The following CLDN18 variants were observed in gnomAD, a reference collection of about 807,000 sequenced individuals.
CLDN18 encodes the protein claudin-18.
In CLDN18, 20 loss-of-function variants were observed where a neutral mutation model predicts 25.0. The observed-to-expected ratio is 0.80, with a 90% CI of 0.56 to 1.16. The LOEUF (loss-of-function observed/expected upper bound fraction) is 1.16. Among genes scored for constraint, CLDN18 ranks in the 50% most tolerant of loss-of-function variants. The pLI, the probability that CLDN18 is intolerant of heterozygous loss-of-function variation, is 0.00. For synonymous variants in CLDN18, 125 were observed against 135.6 expected (o/e 0.92, Z 0.54); for missense variants, 297 against 345.4 (o/e 0.86, Z 1.11).
intron 1 of CLDN18, 104 bp from the exon 2 acceptor site, chr3:138,023,554 G>C: frequency 1.8e-6 from 2 of 1,081,124 alleles, no homozygotes; most frequent in Non-Finnish European, 2.7e-6. Flanking sequence ...TCAGAGGTTT[G>C]GTGCAGGTTA....
At chr3:138,016,543 CA>C (rs34980759) in intron 1 of CLDN18, among the ~76,000 whole-genome samples, 53,137 of 151,994 alleles carry the variant, frequency 0.35, 11,218 homozygotes, top group Middle Eastern at 0.57. Flanking sequence ...AAAGATATGG[CA>C]AACTCATGTC....
rs550491227 is a variant in CLDN18 at position 138,032,236 on chromosome 3, A to C, written c.*1095A>C. Reference sequence around the variant, plus strand: ...GAAGTTCGAGACTAGCCTGGGCAACATGGAGAAGCCCTGTCTCTACAAAAT... The same window carrying C: ...GAAGTTCGAGACTAGCCTGGGCAACCTGGAGAAGCCCTGTCTCTACAAAAT... On this transcript the variant is annotated 3_prime_UTR_variant, in exon 5 of 5. Transcript: ENST00000183605. 7.9e-5 allele frequency: 12 copies of C among 152,228 alleles called. No individual in the cohort carries two copies. Among genetic ancestry groups the C allele is most frequent in the African/African-American group, 2.9e-4 (12 of 41,512 alleles). The allele number at this position is 152,228 out of a possible 1,614,324, so 9.4% of individuals were successfully genotyped here.
Position 138,024,625 on chromosome 3 carries a change from G to A in CLDN18, c.404G>A (p.Gly135Glu), listed in dbSNP as rs1232586228. Residue 135 changes from glycine (G) to glutamate (E), a missense_variant, in exon 3 of 5, where the codon GGA becomes GAA. Gly to Glu is a moderately conservative substitution (Grantham distance 98). Transcript: ENST00000183605. ...FIVSGLCAIA[G>E]VSVFANMLVT... is the part of the protein sequence containing the mutation. The stretch of plus-strand genomic sequence containing the variant: ...CCCACAGGTCTTTGTGCAATTGCTG[G>A]AGTGTCTGTGTTTGCCAACATGCTG... The A allele has an allele frequency of 1.2e-6, 2 of 1,611,518 alleles. No homozygotes were observed. Among genetic ancestry groups the A allele is most frequent in the South Asian group, 2.2e-5 (2 of 91,018 alleles).
intron 1 of CLDN18, among the ~76,000 whole-genome samples, chr3:138,014,736 A>G (rs1460310194): frequency 2.0e-5 from 3 of 152,248 alleles, no homozygotes; most frequent in Non-Finnish European, 2.9e-5. Context: ...CTTCAAGAAG[A>G]CTGTGGACTT....
chr3:138,019,158 G>A (rs1214007629), intron 1 of CLDN18, among the ~76,000 whole-genome samples: 1 of 152,198 alleles, frequency 6.6e-6, no homozygotes. Context: ...ATCTATGCAA[G>A]AGATATCTTT....
chr3:138,028,726 A>G (rs1205784161), intron 3 of CLDN18, among the ~76,000 whole-genome samples: 1 of 152,218 alleles, frequency 6.6e-6, no homozygotes, highest in Non-Finnish European at 1.5e-5. Flanking sequence ...ATTTGGGATC[A>G]CAATTATTTT....
intron 1 of CLDN18, among the ~76,000 whole-genome samples, chr3:138,000,042 G>A (rs1941999384): frequency 6.6e-6 from 1 of 152,150 alleles, no homozygotes; most frequent in South Asian, 2.1e-4. Context: ...TCTCCTCCAG[G>A]AATTTGCCAT....
chr3:138,030,008 A>T, intron 4 of CLDN18, 101 bp downstream of exon 4: 1 of 726,570 alleles, frequency 1.4e-6, no homozygotes, highest in South Asian at 1.6e-5. Flanking sequence ...AGGTATATGG[A>T]TGAACTTTAT....
intron 3 of CLDN18, among the ~76,000 whole-genome samples, chr3:138,028,469 C>A (rs1942352608): frequency 6.6e-6 from 1 of 152,196 alleles, no homozygotes; most frequent in Non-Finnish European, 1.5e-5. Flanking sequence ...ACGTTCTTAG[C>A]TTGTGTCGTA....
At chr3:138,018,546 C>T (rs114650375) in intron 1 of CLDN18, among the ~76,000 whole-genome samples, 3 of 152,004 alleles carry the variant, frequency 2.0e-5, no homozygotes, top group East Asian at 3.9e-4. Context: ...CCGTTTTAGC[C>T]GGGATGGTCT....
In CLDN18 at chr3:138,024,853, T is replaced by C. The variant is rs1942306951; in HGVS notation, c.503+129T>C. On this transcript the variant is annotated intron_variant, in intron 3 of 4. Coordinates refer to ENST00000183605, the MANE Select transcript of CLDN18 (RefSeq NM_016369.4). ...AAAATTATCAGAGACAACCATGCCATATCATAAATCAACAATCACCTGTAA... is the reference window on the plus strand; with the variant it reads ...AAAATTATCAGAGACAACCATGCCACATCATAAATCAACAATCACCTGTAA... The C allele has an allele frequency of 1.3e-5, 8 of 593,486 alleles. 1 individual carries two copies. Among genetic ancestry groups the C allele is most frequent in the South Asian group, 1.1e-4 (5 of 45,932 alleles). 36.8% of individuals were successfully genotyped at this position (593,486 alleles called of 1,614,324 possible).
intron 1 of CLDN18, among the ~76,000 whole-genome samples, chr3:138,015,394 G>A (rs1553721196): frequency 6.6e-6 from 1 of 152,194 alleles, no homozygotes; most frequent in Non-Finnish European, 1.5e-5. Flanking sequence ...GGGGAAGAGA[G>A]ACCTGAAGCA....
chr3:138,026,122 C>T (rs2107888628), intron 3 of CLDN18, among the ~76,000 whole-genome samples: 1 of 152,240 alleles, frequency 6.6e-6, no homozygotes, highest in Non-Finnish European at 1.5e-5. Flanking sequence ...CAAGAAAGAC[C>T]TTGGCAGTAA....
intron 3 of CLDN18, among the ~76,000 whole-genome samples, chr3:138,029,052 G>C (rs1453230413): frequency 6.6e-6 from 1 of 152,200 alleles, no homozygotes; most frequent in East Asian, 1.9e-4. Context: ...CTACCTGCAT[G>C]GAGGGTTGTA....
At chr3:138,024,832 T>C in intron 3 of CLDN18, 108 bp downstream of exon 3, 1 of 635,090 alleles carries the variant, frequency 1.6e-6, no homozygotes, top group South Asian at 2.1e-5. Flanking sequence ...ATAGCAAAAA[T>C]TATCAGAGAC....
At chr3:138,015,563 CTTTAG>C (rs1390427980) in intron 1 of CLDN18, among the ~76,000 whole-genome samples, 3 of 152,152 alleles carry the variant, frequency 2.0e-5, no homozygotes, top group Non-Finnish European at 4.4e-5. Context: ...ACCTATAATA[CTTTAG>C]TTAATAATCA....
In CLDN18 at chr3:138,031,104, A is replaced by T. The variant is rs771962732; in HGVS notation, c.749A>T (p.Glu250Val). The change falls in exon 5 of 5, where the codon GAG becomes GTG. Residue 250 changes from glutamate to valine, a missense_variant. Coordinates refer to ENST00000183605, the MANE Select transcript of CLDN18 (RefSeq NM_016369.4). ...GATGGAGGTGCCCGCACAGAGGACG[A>T]GGTACAATCTTATCCTTCCAAGCAC... ...IYDGGARTED[E>V]VQSYPSKHDY... 2.5e-6 allele frequency: 4 copies of T among 1,614,026 alleles called. No individual in the cohort carries two copies. The highest frequency in any genetic ancestry group is 3.4e-6 in the Non-Finnish European group (4 of 1,180,008).
At position 138,031,240 on chromosome 3, in the gene CLDN18, A is replaced by C; in HGVS notation, c.*99A>C. ...AGATTTCTTCTTGCTTTTGACTCAC[A>C]GCTGGAAGTTAGAAAAGCCTCGATT... On this transcript the variant is annotated 3_prime_UTR_variant, in exon 5 of 5. Transcript: ENST00000183605. The C allele has an allele frequency of 8.8e-7, 1 of 1,136,206 alleles. No individual in the cohort carries two copies. Among genetic ancestry groups the C allele is most frequent in the South Asian group, 1.9e-5 (1 of 53,618 alleles). 70.4% of individuals were successfully genotyped at this position (1,136,206 alleles called of 1,614,324 possible). A position where few individuals can be genotyped will look rare whatever the true frequency, so the allele number is the denominator to read the frequency against.
exon 1 of CLDN18, chr3:137,999,056 G>A: frequency 6.2e-7 from 1 of 1,614,218 alleles, no homozygotes; most frequent in Non-Finnish European, 8.5e-7. Context: ...TTCACCGAGT[G>A]CCGGGGCTAC....
Sources: allele counts gnomAD v4.1 joint callset (sites outside exome capture counted in the v4.1 genomes callset), GRCh38; gene constraint gnomAD v4.1.1; transcripts MANE v1.5; gene names NCBI Gene and HGNC (gene_info 2026-07-23, HGNC 2026-07-21).